The following CALN1 variants were observed in gnomAD, a reference collection of about 807,000 sequenced individuals.
CALN1 encodes the protein calcium-binding protein 8.
Under a neutral mutation model 30.6 loss-of-function variants are expected in CALN1, and 17 were observed. The ratio of observed to expected loss-of-function variants is 0.56; its 90% CI spans 0.38 to 0.83. The LOEUF is 0.83. CALN1 is among the 40% of genes least tolerant of loss of function. The pLI is 0.00. For synonymous variants in CALN1, 156 were observed against 131.4 expected (o/e 1.19, Z -1.28); for missense variants, 291 against 354.9 (o/e 0.82, Z 1.45).
At chr7:72,277,756 T>C (rs920093669) in intron 3 of CALN1, among the ~76,000 whole-genome samples, 2 of 152,082 alleles carry the variant, frequency 1.3e-5, no homozygotes, top group Non-Finnish European at 2.9e-5. Flanking sequence ...CTGGGAGAAA[T>C]GAGGCTCCCT....
Position 71,787,839 on chromosome 7 carries a change from A to G in CALN1, c.722T>C (p.Met241Thr). ...VRKSLICAFA[M>T]AFIISVMLIA... ...CAGCATGACACTGATGATGAAGGCC[A>G]TAGCAAAGGCGCATATGAGGCTCTT... Residue 241 changes from methionine to threonine, a missense_variant, in exon 7 of 7, where the codon ATG (methionine) becomes ACG (threonine). Transcript: ENST00000395275. The G allele has an allele frequency of 6.2e-7, 1 of 1,614,214 alleles. No individual in the cohort carries two copies. Among genetic ancestry groups the G allele is most frequent in the Non-Finnish European group, 8.5e-7 (1 of 1,180,038 alleles).
At chr7:71,906,214 C>T (rs1031996058) in intron 5 of CALN1, among the ~76,000 whole-genome samples, 2 of 152,154 alleles carry the variant, frequency 1.3e-5, no homozygotes, top group African/African-American at 2.4e-5. Context: ...CTTTCTGGCA[C>T]GCTCTGGTGA....
At chr7:72,100,357 G>A (rs1806562769) in intron 4 of CALN1, among the ~76,000 whole-genome samples, 1 of 151,676 alleles carries the variant, frequency 6.6e-6, no homozygotes, top group African/African-American at 2.4e-5. Flanking sequence ...AATTTTTTCT[G>A]TTTTTGCAGA....
intron 3 of CALN1, among the ~76,000 whole-genome samples, chr7:72,110,647 CCTCA>C (rs1452157420): frequency 1.0e-4 from 15 of 147,624 alleles, no homozygotes; most frequent in African/African-American, 1.5e-4. Context: ...AGCAGACAAA[CCTCA>C]CTAACTTTTT....
At chr7:72,493,598 C>T in the CALN1 span, among the ~76,000 whole-genome samples, 1 of 152,174 alleles carries the variant, frequency 6.6e-6, no homozygotes, top group African/African-American at 2.4e-5. Context: ...CTCAGCTTCC[C>T]AAATTGCTGG....
At chr7:71,913,629 G>A (rs1313542156) in intron 5 of CALN1, 1 of 152,304 alleles carries the variant, frequency 6.6e-6, no homozygotes, top group Non-Finnish European at 1.5e-5. Flanking sequence ...GGAATGCAGA[G>A]GTGCAATCCT....
At position 71,787,957 on chromosome 7, in the gene CALN1, GAA is replaced by G. The variant is rs1793073635; in HGVS notation, c.659-57_659-56del. 8 of 1,610,818 alleles carry G rather than the reference GAA, an allele frequency of 5.0e-6. No individual in the cohort carries two copies. In the South Asian group the frequency reaches 8.8e-5, roughly 18 times the overall value. ...AAGGAAGAGGGGTTGGGAGAAGAGA[GAA>G]GAGAGAAATAACACAGTGAGATAGG... On this transcript the variant is annotated intron_variant, in intron 6 of 6. Coordinates refer to ENST00000395275, the MANE Select transcript of CALN1 (RefSeq NM_031468.4).
At chr7:72,415,089 G>T (rs1807379578), upstream of CALN1, among the ~76,000 whole-genome samples, 1 of 152,226 alleles carries the variant, frequency 6.6e-6, no homozygotes. Flanking sequence ...CCTAGAACCT[G>T]ACCATGCTGG....
chr7:72,056,156 A>T (rs844763), intron 4 of CALN1, among the ~76,000 whole-genome samples: 114,462 of 151,830 alleles, frequency 0.75, 43,786 homozygotes, highest in East Asian at 1. Context: ...ACAATTTTAT[A>T]CTTCTTAAAT....
At chr7:72,411,882 C>A (rs1231416324) in intron 1 of CALN1, among the ~76,000 whole-genome samples, 176 bp downstream of exon 1, 3 of 152,114 alleles carry the variant, frequency 2.0e-5, no homozygotes, top group African/African-American at 7.2e-5. Flanking sequence ...GTTGATGAAG[C>A]AACTCTCTTT....
the CALN1 span, among the ~76,000 whole-genome samples, chr7:72,464,015 AAGAG>A: frequency 1.9e-4 from 29 of 149,490 alleles, no homozygotes; most frequent in Admixed American, 1.4e-3. Flanking sequence ...GAGGGGAAGA[AAGAG>A]AGAGACAGAG....
chr7:72,334,674 G>A (rs1027846589), intron 2 of CALN1, among the ~76,000 whole-genome samples: 1 of 152,222 alleles, frequency 6.6e-6, no homozygotes, highest in Non-Finnish European at 1.5e-5. Flanking sequence ...GGCAATAGTT[G>A]CTTTCAGAGT....
chr7:71,837,243 C>CAAAAA (rs55977265), intron 5 of CALN1, among the ~76,000 whole-genome samples: 1,185 of 79,098 alleles, frequency 0.015, 39 homozygotes, highest in African/African-American at 0.051. Flanking sequence ...AAAAAAAAGA[C>CAAAAA]AAAAAAAAAA....
intron 3 of CALN1, among the ~76,000 whole-genome samples, chr7:72,115,308 T>G (rs987020672): frequency 3.4e-5 from 5 of 148,604 alleles, no homozygotes; most frequent in South Asian, 2.1e-4. Context: ...TGCTGCTTTG[T>G]ATAACTCACT....
chr7:71,990,628 T>A (rs567530593), intron 5 of CALN1, among the ~76,000 whole-genome samples: 2 of 152,222 alleles, frequency 1.3e-5, no homozygotes, highest in East Asian at 3.9e-4. Context: ...AAGTTTTGTA[T>A]TTTTAGCAGA....
intron 1 of CALN1, among the ~76,000 whole-genome samples, chr7:72,404,261 G>A (rs1026263500): frequency 6.6e-6 from 1 of 152,182 alleles, no homozygotes; most frequent in Non-Finnish European, 1.5e-5. Flanking sequence ...ATTGTGTTGA[G>A]AAAAACCCCA....
Position 72,357,637 on chromosome 7 carries a change from G to A in CALN1, c.119+45614C>T, listed in dbSNP as rs762815790. On this transcript the variant is annotated intron_variant, in intron 2 of 6. Coordinates refer to ENST00000395275, the MANE Select transcript of CALN1 (RefSeq NM_031468.4). ...CGGAATCAGAATCTACAAAAGCGAG[G>A]CCCAGACAACAGTAGTTGAAAAAAC... is the stretch of plus-strand genomic sequence containing the variant. 2.0e-5 allele frequency among the ~76,000 whole-genome samples: 3 copies of A among 151,436 alleles called. No individual in the cohort carries two copies. The East Asian group carries it at 5.8e-4, about 29-fold the overall frequency.
chr7:72,146,058 G>T (rs999548421), intron 3 of CALN1, among the ~76,000 whole-genome samples: 1 of 152,122 alleles, frequency 6.6e-6, no homozygotes, highest in Non-Finnish European at 1.5e-5. Context: ...TTGAAAACTG[G>T]CACAAGACAG....
chr7:72,219,830 A>G (rs1490600104), intron 3 of CALN1, among the ~76,000 whole-genome samples: 1 of 152,152 alleles, frequency 6.6e-6, no homozygotes, highest in East Asian at 1.9e-4. Flanking sequence ...CTGAACTGTC[A>G]ATAGGGTCAG....
Sources: allele counts gnomAD v4.1 joint callset (sites outside exome capture counted in the v4.1 genomes callset), GRCh38; gene constraint gnomAD v4.1.1; transcripts MANE v1.5; gene names NCBI Gene and HGNC (gene_info 2026-07-23, HGNC 2026-07-21).